The following C1orf21 variants were observed in gnomAD, a reference collection of about 807,000 sequenced individuals.
C1orf21 encodes chromosome 1 open reading frame 21, also known as uncharacterized protein C1orf21.
In C1orf21, 3 loss-of-function variants were observed where a neutral mutation model predicts 18.7. The ratio of observed to expected loss-of-function variants is 0.16; its 90% CI spans 0.07 to 0.42. The LOEUF (loss-of-function observed/expected upper bound fraction) is 0.42, where lower values mean the gene tolerates loss of function less well. Among genes scored for constraint, C1orf21 ranks in the 10% least tolerant of loss-of-function variants. The pLI is 0.99. For missense variants in C1orf21, 104 were observed against 143.6 expected (o/e 0.72, Z 1.41); for synonymous variants, 41 against 46.4 (o/e 0.88, Z 0.47).
chr1:184,390,020 A>G (rs1655946365), intron 1 of C1orf21, among the ~76,000 whole-genome samples: 2 of 152,160 alleles, frequency 1.3e-5, no homozygotes. Flanking sequence ...TTCCAGCTCT[A>G]CTTTGAGGGT....
At chr1:184,584,381 C>T (rs1659325298) in intron 3 of C1orf21, among the ~76,000 whole-genome samples, 1 of 152,136 alleles carries the variant, frequency 6.6e-6, no homozygotes, top group Non-Finnish European at 1.5e-5. Context: ...TCCCACTACA[C>T]ACTACCTAGA....
At chr1:184,555,982 C>T (rs1376412968) in intron 3 of C1orf21, among the ~76,000 whole-genome samples, 2 of 152,112 alleles carry the variant, frequency 1.3e-5, no homozygotes, top group Non-Finnish European at 2.9e-5. Flanking sequence ...TTACCATTTC[C>T]CTTCTTCTTT....
rs1249886438 is a variant in C1orf21, at chr1:184,615,287, G to T, written c.328-4231G>T. 2.0e-5 allele frequency among the ~76,000 whole-genome samples: 3 copies of T among 152,164 alleles called. No individual in the cohort carries two copies. The South Asian group carries it at 6.2e-4, about 32-fold the overall frequency. On this transcript the variant is annotated intron_variant, in intron 5 of 5. Coordinates refer to ENST00000235307, the MANE Select transcript of C1orf21 (RefSeq NM_030806.4). ...AGTAGGGTGTGGTCGGAAAAATTTTGGTAGGCAAAGGTTCCTTGGGGTTTT... is the reference window on the plus strand; with the variant it reads ...AGTAGGGTGTGGTCGGAAAAATTTTTGTAGGCAAAGGTTCCTTGGGGTTTT...
intron 3 of C1orf21, among the ~76,000 whole-genome samples, chr1:184,519,357 T>C (rs1332163439): frequency 1.3e-5 from 2 of 152,208 alleles, no homozygotes; most frequent in South Asian, 2.1e-4. Context: ...AACAATACTT[T>C]AGATTTCTGG....
chr1:184,405,633 A>AT (rs2101959247), intron 1 of C1orf21, among the ~76,000 whole-genome samples: 2 of 152,318 alleles, frequency 1.3e-5, no homozygotes, highest in African/African-American at 4.8e-5. Flanking sequence ...GAGCATTCAA[A>AT]TGAGCATTTG....
chr1:184,514,262 G>T (rs1157313665), intron 3 of C1orf21, among the ~76,000 whole-genome samples: 2 of 152,308 alleles, frequency 1.3e-5, no homozygotes. Flanking sequence ...GTCTGATCAT[G>T]CCAGTGCTCT....
intron 1 of C1orf21, among the ~76,000 whole-genome samples, chr1:184,475,948 C>T (rs978048306): frequency 2.0e-5 from 3 of 152,080 alleles, no homozygotes. Context: ...TTTAACATAA[C>T]CACTGATAGA....
chr1:184,512,572 T>C (rs904192530), intron 3 of C1orf21, among the ~76,000 whole-genome samples: 1 of 152,246 alleles, frequency 6.6e-6, no homozygotes, highest in African/African-American at 2.4e-5. Context: ...TATTCCACTT[T>C]GCTTCTCTCA....
chr1:184,507,528 G>T, intron 2 of C1orf21, 60 bp from the exon 3 acceptor site: 1 of 1,402,078 alleles, frequency 7.1e-7, no homozygotes, highest in South Asian at 1.3e-5. Context: ...TTTTCTGACT[G>T]ACACTTTTCT....
chr1:184,459,316 T>C (rs1015635371), intron 1 of C1orf21, among the ~76,000 whole-genome samples: 2 of 152,238 alleles, frequency 1.3e-5, no homozygotes, highest in Non-Finnish European at 1.5e-5. Context: ...TAAGTCGGAC[T>C]CTTTTAAGAT....
chr1:184,485,256 T>G (rs1657716191), intron 2 of C1orf21, among the ~76,000 whole-genome samples: 1 of 152,094 alleles, frequency 6.6e-6, no homozygotes, highest in African/African-American at 2.4e-5. Context: ...AGCTTTTAAG[T>G]TTCATATTAA....
At chr1:184,390,636 AGG>A in intron 1 of C1orf21, among the ~76,000 whole-genome samples, 1 of 152,302 alleles carries the variant, frequency 6.6e-6, no homozygotes, top group Middle Eastern at 3.4e-3. Flanking sequence ...AGGTGAGGGA[AGG>A]GTTACATGAT....
At chr1:184,611,273 T>G (rs1659733359) in intron 5 of C1orf21, among the ~76,000 whole-genome samples, 1 of 152,236 alleles carries the variant, frequency 6.6e-6, no homozygotes, top group Non-Finnish European at 1.5e-5. Flanking sequence ...AAAACTGTTC[T>G]TATGACTTGT....
Position 184,619,784 on chromosome 1 carries a change from G to T in C1orf21, c.*228G>T. On this transcript the variant is annotated 3_prime_UTR_variant, in exon 6 of 6. Transcript: ENST00000235307. Reference sequence around the variant, plus strand: ...TATCGAACTTTCTTTGTTGCTGCTAGTTAAAACTTGTTGCAACTTTTCACT... The same window carrying T: ...TATCGAACTTTCTTTGTTGCTGCTATTTAAAACTTGTTGCAACTTTTCACT... The T allele has an allele frequency of 2.3e-6, 1 of 426,152 alleles. No homozygotes were observed. The highest frequency in any genetic ancestry group is 2.1e-5 in the African/African-American group (1 of 48,306). 26.4% of individuals were successfully genotyped at this position (426,152 alleles called of 1,614,324 possible).
At chr1:184,422,467 T>G (rs1356392296) in intron 1 of C1orf21, among the ~76,000 whole-genome samples, 3 of 152,186 alleles carry the variant, frequency 2.0e-5, no homozygotes, top group African/African-American at 7.2e-5. Context: ...TATTCTCATT[T>G]TACAGGTGGA....
chr1:184,463,662 A>G (rs916384074), intron 1 of C1orf21, among the ~76,000 whole-genome samples: 2 of 152,248 alleles, frequency 1.3e-5, no homozygotes, highest in Non-Finnish European at 2.9e-5. Context: ...AATGCATACA[A>G]GTTAACAATA....
At chr1:184,522,178 G>GA (rs1658314613) in intron 3 of C1orf21, among the ~76,000 whole-genome samples, 1 of 151,970 alleles carries the variant, frequency 6.6e-6, no homozygotes, top group African/African-American at 2.4e-5. Flanking sequence ...GATACAGATG[G>GA]AAACATGGAA....
chr1:184,414,198 C>A (rs2101963614), intron 1 of C1orf21, among the ~76,000 whole-genome samples: 1 of 152,268 alleles, frequency 6.6e-6, no homozygotes, highest in African/African-American at 2.4e-5. Context: ...GGGGTACAAC[C>A]ATGGCTCACC....
intron 3 of C1orf21, among the ~76,000 whole-genome samples, chr1:184,511,260 C>T (rs1344754641): frequency 6.6e-6 from 1 of 152,122 alleles, no homozygotes; most frequent in African/African-American, 2.4e-5. Flanking sequence ...AGTGCAGTAA[C>T]AGAACTTCAC....
Sources: gnomAD v4.1 joint callset for allele counts (sites outside exome capture counted in the v4.1 genomes callset) on GRCh38, gnomAD v4.1.1 for gene constraint, MANE v1.5 for transcripts, NCBI Gene and HGNC (gene_info 2026-07-23, HGNC 2026-07-21) for gene names.